CLDN10: variants seen among roughly 807,000 people sequenced by gnomAD.
CLDN10 encodes the protein claudin 10.
A neutral mutation model predicts 22.9 loss-of-function variants in CLDN10; 15 were observed. The ratio of observed to expected loss-of-function variants is 0.65; its 90% CI spans 0.44 to 1.01. CLDN10 has a LOEUF of 1.01. Among genes scored for constraint, CLDN10 ranks in the 50% least tolerant of loss-of-function variants. CLDN10 has a pLI of 0.00. For missense variants in CLDN10, 247 were observed against 287.8 expected (o/e 0.86, Z 1.03); for synonymous variants, 114 against 111.4 (o/e 1.02, Z -0.15).
Position 95,459,839 on chromosome 13 carries a change from C to G in CLDN10, c.214+25792C>G, listed in dbSNP as rs943351196. The stretch of plus-strand genomic sequence containing the variant: ...TTTTCTTTTATATTGCATTGTCAGG[C>G]TGCAAATTTTCTAAACTTTATGCTC... On this transcript the variant is annotated intron_variant, in intron 1 of 4. Coordinates refer to the CLDN10 transcript ENST00000376873. Among the ~76,000 whole-genome samples the G allele has an allele frequency of 5.3e-5, 8 of 152,200 alleles. No individual in the cohort carries two copies. The East Asian group carries it at 1.5e-3, about 29-fold the overall frequency.
chr13:95,514,964 T>C (rs917783714), intron 1 of CLDN10, among the ~76,000 whole-genome samples: 1 of 152,164 alleles, frequency 6.6e-6, no homozygotes, highest in Non-Finnish European at 1.5e-5. Flanking sequence ...TGAGATACAC[T>C]ATGGAAGGTG....
upstream of CLDN10, among the ~76,000 whole-genome samples, chr13:95,550,692 AAAAACAGATGAT>A (rs755729212): frequency 3.9e-5 from 6 of 152,214 alleles, no homozygotes; most frequent in Non-Finnish European, 7.3e-5. Flanking sequence ...TGGAGGGCAA[AAAAACAGATGAT>A]AAAACACTTT....
At chr13:95,476,192 C>T (rs143064800) in intron 1 of CLDN10, among the ~76,000 whole-genome samples, 163 of 152,240 alleles carry the variant, frequency 1.1e-3, no homozygotes, top group African/African-American at 3.8e-3. Flanking sequence ...TTTGGTTAGA[C>T]GTGTGTGGAG....
At chr13:95,567,622 T>C (rs549577162) in intron 3 of CLDN10, among the ~76,000 whole-genome samples, 139 of 152,314 alleles carry the variant, frequency 9.1e-4, no homozygotes, top group Non-Finnish European at 1.5e-3. Context: ...TTTCTTTCTC[T>C]TGCCTGATTG....
intron 1 of CLDN10, among the ~76,000 whole-genome samples, chr13:95,438,223 T>G (rs1265815228): frequency 6.6e-6 from 1 of 152,162 alleles, no homozygotes; most frequent in Non-Finnish European, 1.5e-5. Context: ...CCAGCTACTT[T>G]TGCTTATAAG....
intron 3 of CLDN10, among the ~76,000 whole-genome samples, chr13:95,571,063 G>C (rs2043852047): frequency 7.3e-6 from 1 of 136,718 alleles, no homozygotes; most frequent in African/African-American, 2.5e-5. Context: ...TAATATATCT[G>C]CTTCCCTAAT....
At chr13:95,518,502 T>C (rs1052347066) in intron 1 of CLDN10, among the ~76,000 whole-genome samples, 7 of 152,170 alleles carry the variant, frequency 4.6e-5, no homozygotes, top group African/African-American at 1.7e-4. Flanking sequence ...ACGCCTGTAA[T>C]CCCAGCACTT....
intron 1 of CLDN10, among the ~76,000 whole-genome samples, chr13:95,439,670 A>G (rs1295319265): frequency 1.3e-5 from 2 of 151,814 alleles, no homozygotes; most frequent in Non-Finnish European, 2.9e-5. Flanking sequence ...AATCCTATTC[A>G]TGAGGGCTCT....
intron 1 of CLDN10, among the ~76,000 whole-genome samples, chr13:95,544,982 T>C (rs1444676009): frequency 6.6e-6 from 1 of 151,618 alleles, no homozygotes; most frequent in Non-Finnish European, 1.5e-5. Context: ...TTCACCGTGT[T>C]GGCCAAGCTG....
At chr13:95,549,281 A>G (rs1052834083), upstream of CLDN10, among the ~76,000 whole-genome samples, 1 of 152,256 alleles carries the variant, frequency 6.6e-6, no homozygotes, top group African/African-American at 2.4e-5. Context: ...TAAATTAAGA[A>G]TAGTCTCTTA....
chr13:95,541,533 T>C (rs2043460594), intron 1 of CLDN10, among the ~76,000 whole-genome samples: 1 of 152,212 alleles, frequency 6.6e-6, no homozygotes, highest in African/African-American at 2.4e-5. Flanking sequence ...TTCTTGTTTT[T>C]CCTTTGTTTG....
At chr13:95,449,154 C>T (rs1336022779) in intron 1 of CLDN10, among the ~76,000 whole-genome samples, 1 of 152,208 alleles carries the variant, frequency 6.6e-6, no homozygotes, top group Non-Finnish European at 1.5e-5. Flanking sequence ...TTCCAGATCA[C>T]AGACCTCAAA....
chr13:95,464,521 T>C (rs2042565964), intron 1 of CLDN10, among the ~76,000 whole-genome samples: 1 of 152,182 alleles, frequency 6.6e-6, no homozygotes, highest in Non-Finnish European at 1.5e-5. Flanking sequence ...TTTGGGTTGG[T>C]TCCAAGTCTT....
chr13:95,446,909 G>T (rs2139072710), intron 1 of CLDN10, among the ~76,000 whole-genome samples: 1 of 152,188 alleles, frequency 6.6e-6, no homozygotes, highest in South Asian at 2.1e-4. Context: ...TTGATATCTG[G>T]AAGGGTCCTA....
At chr13:95,540,652 C>G (rs2043450578) in intron 1 of CLDN10, among the ~76,000 whole-genome samples, 2 of 152,150 alleles carry the variant, frequency 1.3e-5, no homozygotes, top group Admixed American at 1.3e-4. Context: ...TAGTTAGTGG[C>G]TCGGACTGGG....
chr13:95,474,125 C>A (rs1228082945), intron 1 of CLDN10, among the ~76,000 whole-genome samples: 1 of 152,120 alleles, frequency 6.6e-6, no homozygotes. Context: ...AACGTAGAAT[C>A]AGTGGGAGCC....
intron 1 of CLDN10, among the ~76,000 whole-genome samples, chr13:95,536,160 C>T (rs1487698937): frequency 7.2e-6 from 1 of 139,254 alleles, no homozygotes; most frequent in African/African-American, 2.7e-5. Context: ...TCTTTAAATA[C>T]ATTTGTGTAT....
chr13:95,483,371 T>G (rs1158263630), intron 1 of CLDN10, among the ~76,000 whole-genome samples: 1 of 152,078 alleles, frequency 6.6e-6, no homozygotes, highest in East Asian at 1.9e-4. Flanking sequence ...TTTTTCTTTC[T>G]TTTTTATTAA....
At chr13:95,504,033 T>C (rs1200634909) in intron 1 of CLDN10, among the ~76,000 whole-genome samples, 1 of 152,206 alleles carries the variant, frequency 6.6e-6, no homozygotes, top group Non-Finnish European at 1.5e-5. Context: ...GGAGTAGTCA[T>C]GGATACTACA....
Sources: allele counts gnomAD v4.1 joint callset (sites outside exome capture counted in the v4.1 genomes callset), GRCh38; gene constraint gnomAD v4.1.1; transcripts MANE v1.5; gene names NCBI Gene and HGNC (gene_info 2026-07-23, HGNC 2026-07-21).